Variants in CLDN16 observed in about 807,000 individuals in gnomAD.
CLDN16 encodes claudin 16.
CLDN16 carries 13 observed loss-of-function variants against 24.6 expected under a neutral mutation model. The observed-to-expected ratio is 0.53, with a 90% CI of 0.34 to 0.84. The LOEUF is 0.84. Ranked by LOEUF, CLDN16 falls within the 40% of genes least tolerant of loss-of-function variation. The pLI, the probability that CLDN16 is intolerant of heterozygous loss-of-function variation, is 0.01. For missense variants in CLDN16, 298 were observed against 292.7 expected (o/e 1.02, Z -0.13); for synonymous variants, 116 against 106.7 (o/e 1.09, Z -0.54).
intron 1 of CLDN16, among the ~76,000 whole-genome samples, chr3:190,391,522 G>A (rs1219405234): frequency 1.3e-5 from 2 of 152,146 alleles, no homozygotes; most frequent in Non-Finnish European, 2.9e-5. Flanking sequence ...CAGGGCCATC[G>A]AAGCAGGTCT....
At chr3:190,394,975 A>G (rs1718779541) in intron 1 of CLDN16, among the ~76,000 whole-genome samples, 1 of 152,136 alleles carries the variant, frequency 6.6e-6, no homozygotes, top group Non-Finnish European at 1.5e-5. Flanking sequence ...TAGTGCTTTA[A>G]AGAGAGAAAT....
At chr3:190,381,764 G>A (rs749638056) in intron 3 of CLDN16, among the ~76,000 whole-genome samples, 1 of 152,074 alleles carries the variant, frequency 6.6e-6, no homozygotes, top group African/African-American at 2.4e-5. Context: ...GGGAAGGTTG[G>A]CATGAGTGCA....
intron 2 of CLDN16, among the ~76,000 whole-genome samples, chr3:190,372,868 C>T (rs1718170668): frequency 6.6e-6 from 1 of 151,854 alleles, no homozygotes; most frequent in South Asian, 2.1e-4. Flanking sequence ...CTTTTGTGAG[C>T]CTGAATCTTT....
the CLDN16 span, among the ~76,000 whole-genome samples, chr3:190,305,256 A>T: frequency 6.6e-6 from 1 of 152,174 alleles, no homozygotes; most frequent in Admixed American, 6.5e-5. Flanking sequence ...AGTTATTGAT[A>T]CTTTAAGATA....
chr3:190,348,444 G>T (rs1349522558), intron 1 of CLDN16, among the ~76,000 whole-genome samples: 1 of 151,706 alleles, frequency 6.6e-6, no homozygotes, highest in African/African-American at 2.4e-5. Flanking sequence ...AAAGCCATGG[G>T]AATAGAAGAT....
chr3:190,356,257 G>A (rs1381747893), intron 1 of CLDN16, among the ~76,000 whole-genome samples: 3 of 151,644 alleles, frequency 2.0e-5, no homozygotes, highest in Admixed American at 6.6e-5. Flanking sequence ...AAACAAGCTT[G>A]AATATGTCTC....
chr3:190,374,501 A>G (rs1718208141), intron 2 of CLDN16: 1 of 151,902 alleles, frequency 6.6e-6, no homozygotes, highest in Non-Finnish European at 1.5e-5. Flanking sequence ...ACACCCTTAT[A>G]ACAATCCATT....
chr3:190,404,624 C>A, intron 2 of CLDN16, 138 bp from the exon 3 acceptor site: 1 of 799,508 alleles, frequency 1.3e-6, no homozygotes, highest in South Asian at 1.4e-5. Flanking sequence ...TACTTATGTT[C>A]AAGTTCATAC....
In CLDN16 at chr3:190,411,434, A is replaced by C; in HGVS notation, c.*1398A>C. 1 of 152,304 alleles carries C rather than the reference A, an allele frequency of 6.6e-6. No homozygotes were observed. The highest frequency in any genetic ancestry group is 3.4e-3 in the Middle Eastern group (1 of 294). The allele number at this position is 152,304 out of a possible 1,614,324, so 9.4% of individuals were successfully genotyped here. ...ATTTTAAAAATGTTTGTAAAATTTAATTTCCAGTTTTCTAATTACTTGTCA... is the reference window on the plus strand; with the variant it reads ...ATTTTAAAAATGTTTGTAAAATTTACTTTCCAGTTTTCTAATTACTTGTCA... On this transcript the variant is annotated 3_prime_UTR_variant, in exon 5 of 5. Coordinates refer to ENST00000264734, the MANE Select transcript of CLDN16 (RefSeq NM_006580.4).
Position 190,402,496 on chromosome 3 carries a change from G to A in CLDN16, c.217+57G>A, listed in dbSNP as rs572445470. ...GGAAGGGAAAGGGACAGAAAACTGA[G>A]TTCAGGTTTCCATTTTGTGCTTTGT... On this transcript the variant is annotated intron_variant, in intron 2 of 4. Transcript: ENST00000264734. 17 of 1,327,428 alleles carry A rather than the reference G, an allele frequency of 1.3e-5. No individual in the cohort carries two copies. The East Asian group carries it at 3.4e-4, about 27-fold the overall frequency. 82.2% of individuals were successfully genotyped at this position (1,327,428 alleles called of 1,614,324 possible).
chr3:190,399,206 T>TA (rs1056230872), intron 1 of CLDN16, among the ~76,000 whole-genome samples: 5 of 152,152 alleles, frequency 3.3e-5, no homozygotes, highest in African/African-American at 9.7e-5. Flanking sequence ...GAATTCTTTT[T>TA]AAAAAAATGT....
At chr3:190,350,952 A>T (rs1717660302) in intron 1 of CLDN16, among the ~76,000 whole-genome samples, 1 of 152,074 alleles carries the variant, frequency 6.6e-6, no homozygotes, top group South Asian at 2.1e-4. Context: ...GTCTCCGCCA[A>T]ATTTCATGTT....
intron 1 of CLDN16, among the ~76,000 whole-genome samples, chr3:190,333,167 G>T (rs190601291): frequency 2.2e-4 from 33 of 151,902 alleles, no homozygotes; most frequent in African/African-American, 8.0e-4. Flanking sequence ...TGCGTTATGC[G>T]GTAACTCAAA....
upstream of CLDN16, chr3:190,387,722 T>C (rs1718540162): frequency 4.1e-6 from 1 of 242,122 alleles, no homozygotes; most frequent in African/African-American, 2.2e-5. Flanking sequence ...AAGTCCTTCA[T>C]GGGGCTGTTC....
chr3:190,393,650 C>T (rs1161519834), intron 1 of CLDN16, among the ~76,000 whole-genome samples: 3 of 151,364 alleles, frequency 2.0e-5, no homozygotes, highest in Admixed American at 2.0e-4. Flanking sequence ...GCATAATGTT[C>T]GCTGAACAGA....
intron 2 of CLDN16, among the ~76,000 whole-genome samples, chr3:190,403,861 G>T (rs1719022989): frequency 6.6e-6 from 1 of 152,038 alleles, no homozygotes; most frequent in South Asian, 2.1e-4. Flanking sequence ...TGGACATTTT[G>T]TCTATTCTAA....
chr3:190,303,247 T>C, the CLDN16 span, among the ~76,000 whole-genome samples: 1 of 152,220 alleles, frequency 6.6e-6, no homozygotes, highest in African/African-American at 2.4e-5. Flanking sequence ...TTGATCTAGA[T>C]GTCTGCTTGA....
rs78195226 is a variant in CLDN16 at position 190,376,646 on chromosome 3, G to A, written n.306+2043G>A. 1.0e-3 allele frequency among the ~76,000 whole-genome samples: 155 copies of A among 152,036 alleles called. 5 individuals carry two copies. The East Asian group carries it at 0.024, about 23-fold the overall frequency. ...TAAATAAGCTAATGATTTGCAAACC[G>A]AATGTATTCGTTTAGGTATCCAAAC... On this transcript the variant is annotated intron_variant and non_coding_transcript_variant, in intron 3 of 4. Transcript: ENST00000468220.
chr3:190,320,358 G>A (rs370332402), upstream of CLDN16, among the ~76,000 whole-genome samples: 7 of 152,108 alleles, frequency 4.6e-5, no homozygotes, highest in South Asian at 2.1e-4. Flanking sequence ...ATTCCTTAAC[G>A]TGGTACCTAA....
Sources: gnomAD v4.1 joint callset for allele counts (sites outside exome capture counted in the v4.1 genomes callset) on GRCh38, gnomAD v4.1.1 for gene constraint, MANE v1.5 for transcripts, NCBI Gene and HGNC (gene_info 2026-07-23, HGNC 2026-07-21) for gene names.